TCIRG1: variants seen among roughly 807,000 people sequenced by gnomAD.
TCIRG1 encodes the protein V-type proton ATPase 116 kDa subunit a 3.
In TCIRG1, 86 loss-of-function variants were observed where a neutral mutation model predicts 95.5. The ratio of observed to expected loss-of-function variants is 0.90; its 90% CI spans 0.76 to 1.08. The LOEUF is 1.08. Ranked by LOEUF, TCIRG1 falls within the 50% of genes least tolerant of loss-of-function variation. The pLI, the probability that TCIRG1 is intolerant of heterozygous loss-of-function variation, is 0.00. For synonymous variants in TCIRG1, 499 were observed against 501.3 expected (o/e 1.00, Z 0.06); for missense variants, 1,069 against 1,140.2 (o/e 0.94, Z 0.90).
Position 68,043,468 on chromosome 11 carries a change from C to A in TCIRG1, c.601C>A (p.Leu201Met). The A allele has an allele frequency of 6.4e-7, 1 of 1,556,496 alleles. No homozygotes were observed. The highest frequency in any genetic ancestry group is 8.7e-7 in the Non-Finnish European group (1 of 1,150,712). Residue 201 changes from leucine (L) to methionine (M), a missense_variant, in exon 6 of 20, where the codon CTG (leucine) becomes ATG (methionine). Leu to Met is a conservative substitution (Grantham distance 15). Transcript: ENST00000265686. Reference protein sequence around the residue: ...RGFLIASFRELEQPLEHPVTG... With the variant: ...RGFLIASFREMEQPLEHPVTG... ...CTTCCTCATTGCCAGCTTCAGGGAG[C>A]TGGAGCAGCCGCTGGAGCACCCCGT...
At position 68,044,173 on chromosome 11, in the gene TCIRG1, C is replaced by T. The variant is rs1479273025; in HGVS notation, c.849C>T (p.Gly283=). 3 of 1,553,326 alleles carry T rather than the reference C, an allele frequency of 1.9e-6. No homozygotes were observed. The highest frequency in any genetic ancestry group is 2.6e-6 in the Non-Finnish European group (3 of 1,148,836). The change falls in exon 9 of 20, where the codon GGC becomes GGT. Residue 283 remains glycine, a synonymous_variant. Transcript: ENST00000265686. ...ETERFLSQVL[G]RVLQLLPPGQ... ...AGCGGTTCCTGAGCCAGGTGCTAGG[C>T]CGGGTGCTGCAGCTGCTGCCGCCAG...
Position 68,048,217 on chromosome 11 carries a change from G to A in TCIRG1, c.1554+245G>A. On this transcript the variant is annotated intron_variant, in intron 13 of 19. Transcript: ENST00000265686. ...TCCTGAGTGTGCAGAGGCAAAGCGA[G>A]ACTGGACAGGAACCAGCCTGCAGCT... 3 of 603,182 alleles carry A rather than the reference G, an allele frequency of 5.0e-6. No homozygotes were observed. In the East Asian group the frequency reaches 8.6e-5, roughly 17 times the overall value. The allele number at this position is 603,182 out of a possible 1,614,324, so 37.4% of individuals were successfully genotyped here. A position where few individuals can be genotyped will look rare whatever the true frequency, so the allele number is the denominator to read the frequency against.
At position 68,050,668 on chromosome 11, in the gene TCIRG1, A is replaced by T; in HGVS notation, c.2414+4A>T. On this transcript the variant is annotated splice_donor_region_variant and intron_variant, in intron 19 of 19. Transcript: ENST00000265686. ...TGCACGCCCTGCGGCTGCACTGGTGAGCGACCACCCACTGGCCTGGGCTGC... is the reference window on the plus strand; with the variant it reads ...TGCACGCCCTGCGGCTGCACTGGTGTGCGACCACCCACTGGCCTGGGCTGC... 1 of 1,613,386 alleles carries T rather than the reference A, an allele frequency of 6.2e-7. No individual in the cohort carries two copies. The highest frequency in any genetic ancestry group is 8.5e-7 in the Non-Finnish European group (1 of 1,180,004).
intron 13 of TCIRG1, among the ~76,000 whole-genome samples, chr11:68,048,625 G>A (rs72926470): frequency 2.6e-5 from 4 of 152,254 alleles, no homozygotes; most frequent in Admixed American, 6.5e-5. Context: ...TAACAACCCC[G>A]TGGGCCTCAC....
rs1342701128 is a variant in TCIRG1 at position 68,049,225 on chromosome 11, C to T, written c.1818C>T (p.Ile606=). ...CCAGGGCCGCCTCGGCCCCCAGCATCCTCATCCACTTCATCAACATGTTCC... is the reference window on the plus strand; with the variant it reads ...CCAGGGCCGCCTCGGCCCCCAGCATTCTCATCCACTTCATCAACATGTTCC... ...WAARAASAPS[I]LIHFINMFLF... Residue 606 remains isoleucine, a synonymous_variant, in exon 15 of 20, where the codon ATC becomes ATT. Transcript: ENST00000265686. 1.2e-6 allele frequency: 2 copies of T among 1,613,900 alleles called. No individual in the cohort carries two copies. Among genetic ancestry groups the T allele is most frequent in the Non-Finnish European group, 8.5e-7 (1 of 1,180,012 alleles).
chr11:68,050,821 GCC>G lies in TCIRG1; in HGVS notation c.*4_*5del, dbSNP rs1345208948. ...ACCTTCGCTGCCACAGATGACTAGG[GCC>G]CACTGCAGGTCCTGCCAGACCTCCT... is the stretch of plus-strand genomic sequence containing the variant. On this transcript the variant is annotated 3_prime_UTR_variant, in exon 20 of 20. Transcript: ENST00000265686. 1.9e-6 allele frequency: 3 copies of G among 1,612,860 alleles called. No homozygotes were observed. The highest frequency in any genetic ancestry group is 2.5e-6 in the Non-Finnish European group (3 of 1,180,014).
chr11:68,047,579 G>A lies in TCIRG1; in HGVS notation c.1305+7G>A, dbSNP rs368136779. 1 of 1,613,532 alleles carries A rather than the reference G, an allele frequency of 6.2e-7. No individual in the cohort carries two copies. The highest frequency in any genetic ancestry group is 8.5e-7 in the Non-Finnish European group (1 of 1,179,992). ...GAAGGCCGCGCAGAACGAGGTGAGG[G>A]GCGGGGCTGGGGTCCTGATGAGGGT... On this transcript the variant is annotated splice_region_variant and intron_variant, in intron 11 of 19. Transcript: ENST00000265686.
chr11:68,040,973 C>T (rs1436657423), intron 1 of TCIRG1, among the ~76,000 whole-genome samples: 2 of 152,120 alleles, frequency 1.3e-5, no homozygotes, highest in East Asian at 1.9e-4. Flanking sequence ...GGGGTGGAGC[C>T]GGTGTCACTG....
chr11:68,051,891 T>C (rs1366195189), downstream of TCIRG1, among the ~76,000 whole-genome samples: 2 of 152,004 alleles, frequency 1.3e-5, no homozygotes, highest in Non-Finnish European at 2.9e-5. Flanking sequence ...GCACTCGTGG[T>C]GAGTGGCCCC....
downstream of TCIRG1, chr11:68,053,661 ACT>A (rs1296269642): frequency 2.4e-5 from 7 of 292,148 alleles, no homozygotes; most frequent in African/African-American, 4.4e-5. Flanking sequence ...AACACTGCTT[ACT>A]CTTGCTGTTT....
rs1041283563 is a variant in TCIRG1, at chr11:68,050,706, T to C, written c.2415-35T>C. On this transcript the variant is annotated intron_variant, in intron 19 of 19. Coordinates refer to ENST00000265686, the MANE Select transcript of TCIRG1 (RefSeq NM_006019.4). ...TGGCCTGGGCTGCTCAAGGCGTGAG[T>C]TCCCCTCACCAACCCCTCTGCTTCT... is the stretch of plus-strand genomic sequence containing the variant. 4 of 1,613,560 alleles carry C rather than the reference T, an allele frequency of 2.5e-6. No homozygotes were observed. The African/African-American group carries it at 5.3e-5, about 22-fold the overall frequency.
Position 68,049,770 on chromosome 11 carries a change from G to T in TCIRG1, c.1995G>T (p.Arg665Ser). Residue 665 changes from arginine to serine, a missense_variant, in exon 16 of 20, where the codon AGG becomes AGT. Transcript: ENST00000265686. ...ACCGCCACCGCCGCCGCCTGCGGAG[G>T]AGGCCCGCTGACCGACAGGTGGGAC... is the stretch of plus-strand genomic sequence containing the variant. Reference protein sequence around the residue: ...LLHRHRRRLRRRPADRQEENK... With the variant: ...LLHRHRRRLRSRPADRQEENK... The T allele has an allele frequency of 6.4e-7, 1 of 1,573,200 alleles. No individual in the cohort carries two copies. The highest frequency in any genetic ancestry group is 1.3e-5 in the African/African-American group (1 of 74,724).
Position 68,042,695 on chromosome 11 carries a change from G to A in TCIRG1, c.249G>A (p.Lys83=), listed in dbSNP as rs367708208. Reference sequence around the variant, plus strand: ...CTGGGCTGGTCCTGCCCCCGCCAAAGGGGAGGCTGCCGGCACCCCCACCCC... The same window carrying A: ...CTGGGCTGGTCCTGCCCCCGCCAAAAGGGAGGCTGCCGGCACCCCCACCCC... ...RRAGLVLPPP[K]GRLPAPPPRD... is the part of the protein sequence containing the mutation. Residue 83 remains lysine, a synonymous_variant, in exon 4 of 20, where the codon AAG becomes AAA. Coordinates refer to ENST00000265686, the MANE Select transcript of TCIRG1 (RefSeq NM_006019.4). 5.8e-6 allele frequency: 9 copies of A among 1,546,064 alleles called. No homozygotes were observed. The East Asian group carries it at 1.2e-4, about 21-fold the overall frequency.
At chr11:68,048,302 T>C (rs1741478881) in intron 13 of TCIRG1, 5 of 423,338 alleles carry the variant, frequency 1.2e-5, no homozygotes, top group Non-Finnish European at 2.2e-5. Flanking sequence ...TTTTCTTTTT[T>C]TTATTTTTGG....
Position 68,043,085 on chromosome 11 carries a change from G to C in TCIRG1, c.503+54G>C. ...CTGGCCAGCCCAGAACCCCTGGCCA[G>C]TCGCTGGGCTGGGCCAGGCTGAGCT... On this transcript the variant is annotated intron_variant, in intron 5 of 19. Coordinates refer to ENST00000265686, the MANE Select transcript of TCIRG1 (RefSeq NM_006019.4). The C allele has an allele frequency of 2.6e-6, 4 of 1,548,670 alleles. No individual in the cohort carries two copies. In the South Asian group the frequency reaches 4.8e-5, roughly 18 times the overall value.
At chr11:68,049,931 G>A in intron 16 of TCIRG1, 31 bp from the exon 17 acceptor site, 1 of 1,590,390 alleles carries the variant, frequency 6.3e-7, no homozygotes, top group Non-Finnish European at 8.5e-7. Flanking sequence ...TGGGGCTGGA[G>A]TGCTGCCAAC....
At chr11:68,051,102 C>T (rs1160583813), downstream of TCIRG1, among the ~76,000 whole-genome samples, 1 of 152,204 alleles carries the variant, frequency 6.6e-6, no homozygotes, top group African/African-American at 2.4e-5. Flanking sequence ...AATGTCTTCC[C>T]AGGCCGGGTC....
At chr11:68,051,941 C>T (rs1227669899), downstream of TCIRG1, among the ~76,000 whole-genome samples, 1 of 152,168 alleles carries the variant, frequency 6.6e-6, no homozygotes, top group Non-Finnish European at 1.5e-5. Flanking sequence ...ATCCCAGGGA[C>T]ATGACCAGTC....
At position 68,044,323 on chromosome 11, in the gene TCIRG1, G is replaced by T; in HGVS notation, c.999G>T (p.Gln333His). The change falls in exon 9 of 20, where the codon CAG becomes CAT. Residue 333 changes from glutamine to histidine, a missense_variant. Physicochemically the swap from Gln to His is conservative, Grantham distance 24 (BLOSUM62 0). Transcript: ENST00000265686. ...CTGTGCGAGACCTGCCCGCCCTGCA[G>T]GAGGCCCTGCGGGACAGCTCGGTGA... ...WCSVRDLPAL[Q>H]EALRDSSMEE... 6.3e-7 allele frequency: 1 copy of T among 1,594,820 alleles called. No homozygotes were observed.
Sources: gnomAD v4.1 joint callset for allele counts (sites outside exome capture counted in the v4.1 genomes callset) on GRCh38, gnomAD v4.1.1 for gene constraint, MANE v1.5 for transcripts, NCBI Gene and HGNC (gene_info 2026-07-23, HGNC 2026-07-21) for gene names.